Variants in DOCK3 observed in about 807,000 individuals in gnomAD.
The protein encoded by DOCK3 is dedicator of cytokinesis 3.
A neutral mutation model predicts 265.6 loss-of-function variants in DOCK3; 60 were observed. That is an observed-to-expected ratio of 0.23 (90% CI 0.18 to 0.28). The LOEUF (loss-of-function observed/expected upper bound fraction) is 0.28, where lower values mean the gene tolerates loss of function less well. Among genes scored for constraint, DOCK3 ranks in the 10% least tolerant of loss-of-function variants. DOCK3 has a pLI of 1.00. For synonymous variants in DOCK3, 881 were observed against 938.0 expected (o/e 0.94, Z 1.11); for missense variants, 1,981 against 2,594.3 (o/e 0.76, Z 5.14).
intron 9 of DOCK3, among the ~76,000 whole-genome samples, chr3:51,105,614 CATGA>C (rs1466094054): frequency 2.2e-4 from 33 of 152,106 alleles, no homozygotes; most frequent in African/African-American, 7.5e-4. Flanking sequence ...GATACAGCAA[CATGA>C]ATGAATCTTG....
chr3:51,262,269 A>C (rs1329194715), intron 23 of DOCK3, among the ~76,000 whole-genome samples: 2 of 152,210 alleles, frequency 1.3e-5, no homozygotes, highest in African/African-American at 2.4e-5. Flanking sequence ...ATACCCAGGC[A>C]AACAGGGTCT....
intron 7 of DOCK3, among the ~76,000 whole-genome samples, chr3:51,086,711 T>C (rs146835937): frequency 6.6e-6 from 1 of 152,262 alleles, no homozygotes; most frequent in African/African-American, 2.4e-5. Flanking sequence ...GGCAGGAGAA[T>C]CACCTGAACC....
intron 32 of DOCK3, among the ~76,000 whole-genome samples, chr3:51,320,613 G>A (rs564107034): frequency 4.6e-5 from 7 of 152,144 alleles, no homozygotes; most frequent in Non-Finnish European, 7.4e-5. Flanking sequence ...GTCCGAGGTC[G>A]ACCTGGGACA....
chr3:50,984,181 C>T (rs756091648), intron 5 of DOCK3, among the ~76,000 whole-genome samples: 10 of 152,206 alleles, frequency 6.6e-5, no homozygotes, highest in Non-Finnish European at 1.5e-4. Flanking sequence ...AGTGGCAGAA[C>T]GAACCCAGTG....
At chr3:50,922,249 G>C (rs554983667) in intron 4 of DOCK3, among the ~76,000 whole-genome samples, 1 of 152,224 alleles carries the variant, frequency 6.6e-6, no homozygotes, top group Non-Finnish European at 1.5e-5. Flanking sequence ...TCAAGCCTCA[G>C]CAATGGCAGA....
intron 1 of DOCK3, among the ~76,000 whole-genome samples, chr3:50,745,642 G>A (rs970932925): frequency 1.3e-5 from 2 of 152,140 alleles, no homozygotes; most frequent in African/African-American, 4.8e-5. Flanking sequence ...GGAGGACAAG[G>A]TCCCCCTGCC....
At chr3:51,360,759 G>A in intron 47 of DOCK3, 127 bp downstream of exon 47, 1 of 1,321,538 alleles carries the variant, frequency 7.6e-7, no homozygotes, top group Non-Finnish European at 1.0e-6. Flanking sequence ...ACACTTATGT[G>A]GCTCCTGCCA....
intron 11 of DOCK3, 120 bp downstream of exon 11, chr3:51,159,424 G>A: frequency 1.1e-6 from 1 of 903,554 alleles, no homozygotes; most frequent in Non-Finnish European, 1.7e-6. Flanking sequence ...CTCAGGATTA[G>A]AGTCCAGCTT....
chr3:50,923,924 T>G (rs897087883), intron 4 of DOCK3, among the ~76,000 whole-genome samples: 2 of 152,208 alleles, frequency 1.3e-5, no homozygotes, highest in African/African-American at 4.8e-5. Flanking sequence ...TTCTTCCTAC[T>G]CTGTTGTATA....
At chr3:51,030,787 A>G (rs894658097) in intron 5 of DOCK3, among the ~76,000 whole-genome samples, 11 of 152,194 alleles carry the variant, frequency 7.2e-5, no homozygotes, top group African/African-American at 2.4e-4. Context: ...CCTTGGCAGC[A>G]CAAACCCCAA....
chr3:50,877,059 C>T (rs574879078), intron 3 of DOCK3: 16 of 211,966 alleles, frequency 7.5e-5, no homozygotes, highest in Non-Finnish European at 1.4e-4. Context: ...AGATTGAACA[C>T]TCCTGCTCTA....
intron 4 of DOCK3, among the ~76,000 whole-genome samples, chr3:50,903,408 C>T (rs1023726925): frequency 1.5e-4 from 23 of 152,148 alleles, no homozygotes; most frequent in African/African-American, 5.1e-4. Flanking sequence ...GCCTTTTCTG[C>T]ATCTATTGAG....
chr3:51,317,310 T>TA (rs919373962), intron 32 of DOCK3, among the ~76,000 whole-genome samples: 6 of 150,532 alleles, frequency 4.0e-5, no homozygotes, highest in African/African-American at 9.7e-5. Flanking sequence ...AGGAGAAGCT[T>TA]AAAAAAAAGA....
At chr3:50,694,270 CA>C (rs927618975) in intron 1 of DOCK3, among the ~76,000 whole-genome samples, 1 of 147,802 alleles carries the variant, frequency 6.8e-6, no homozygotes, top group Non-Finnish European at 1.5e-5. Flanking sequence ...ACTTTGTCTC[CA>C]AAAAAACTAA....
chr3:51,181,097 TTAAAG>T (rs1408983078), intron 12 of DOCK3, among the ~76,000 whole-genome samples: 1 of 152,224 alleles, frequency 6.6e-6, no homozygotes, highest in African/African-American at 2.4e-5. Flanking sequence ...TAATTGACTA[TTAAAG>T]TAAACATGTA....
chr3:51,348,102 T>G (rs1260228881), intron 38 of DOCK3, among the ~76,000 whole-genome samples: 3 of 152,186 alleles, frequency 2.0e-5, no homozygotes, highest in Non-Finnish European at 4.4e-5. Context: ...CAATTTGACT[T>G]CCAAAAGAGG....
chr3:51,271,715 G>A (rs2080503999), intron 24 of DOCK3, among the ~76,000 whole-genome samples: 1 of 152,186 alleles, frequency 6.6e-6, no homozygotes, highest in African/African-American at 2.4e-5. Flanking sequence ...GCTAGGCATG[G>A]TGGCAGGCAC....
intron 9 of DOCK3, among the ~76,000 whole-genome samples, chr3:51,127,504 T>C (rs2106871690): frequency 6.6e-6 from 1 of 152,326 alleles, no homozygotes; most frequent in East Asian, 1.9e-4. Context: ...CCAAATACTA[T>C]TACATAAAGT....
chr3:51,214,691 A>G (rs1385885740), intron 14 of DOCK3, among the ~76,000 whole-genome samples: 1 of 152,204 alleles, frequency 6.6e-6, no homozygotes, highest in East Asian at 1.9e-4. Context: ...TAGCAGATAC[A>G]TTTCCATTTT....
Sources: allele counts gnomAD v4.1 joint callset (sites outside exome capture counted in the v4.1 genomes callset), GRCh38; gene constraint gnomAD v4.1.1; transcripts MANE v1.5; gene names NCBI Gene and HGNC (gene_info 2026-07-23, HGNC 2026-07-21).